The following VPS13C variants were observed in gnomAD, a reference collection of about 807,000 sequenced individuals.
The protein encoded by VPS13C is intermembrane lipid transfer protein VPS13C.
VPS13C carries 358 observed loss-of-function variants against 456.8 expected under a neutral mutation model. That is an observed-to-expected ratio of 0.78 (90% CI 0.72 to 0.86). The LOEUF (loss-of-function observed/expected upper bound fraction) is 0.86, where lower values mean the gene tolerates loss of function less well. Among genes scored for constraint, VPS13C ranks in the 40% least tolerant of loss-of-function variants. The pLI is 0.00. For synonymous variants in VPS13C, 1,578 were observed against 1,486.7 expected, an observed-to-expected ratio of 1.06 and a Z score of -1.41; for missense variants, 4,818 against 4,385.4, an observed-to-expected ratio of 1.10 and a Z score of -2.79.
intron 16 of VPS13C, among the ~76,000 whole-genome samples, chr15:61,995,021 T>C (rs1435700674): frequency 1.3e-5 from 2 of 152,212 alleles, no homozygotes; most frequent in African/African-American, 4.8e-5. Context: ...CACTTACTGC[T>C]CCATTTATCT....
At chr15:62,046,011 C>T (rs1291621842) in intron 1 of VPS13C, among the ~76,000 whole-genome samples, 2 of 151,972 alleles carry the variant, frequency 1.3e-5, no homozygotes, top group Non-Finnish European at 2.9e-5. Context: ...CTGTAAGATG[C>T]CATAATGCTC....
At chr15:61,983,639 G>A in intron 20 of VPS13C, 181 bp downstream of exon 20, 1 of 595,700 alleles carries the variant, frequency 1.7e-6, no homozygotes, top group Non-Finnish European at 2.8e-6. Flanking sequence ...AAAATGTATT[G>A]CATATGAAAA....
intron 31 of VPS13C, 108 bp downstream of exon 31, chr15:61,964,591 G>C: frequency 9.4e-7 from 1 of 1,062,062 alleles, no homozygotes. Context: ...TGAAGAAAAG[G>C]GGAAAATGGT....
chr15:61,984,748 A>G, intron 19 of VPS13C, 109 bp downstream of exon 19: 2 of 1,135,138 alleles, frequency 1.8e-6, no homozygotes, highest in African/African-American at 1.6e-5. Context: ...TATACAAGGA[A>G]AAGAAATTAA....
Position 61,911,831 on chromosome 15 carries a change from A to C in VPS13C, c.8715+9T>G. ...TTTAGGAATCAGTTGTAACAAAGAA[A>C]AATGCTACCTCTGAAGAAGCAATAT... On this transcript the variant is annotated intron_variant, in intron 63 of 84. Transcript: ENST00000644861. 1 of 1,582,452 alleles carries C rather than the reference A, an allele frequency of 6.3e-7. No individual in the cohort carries two copies. The highest frequency in any genetic ancestry group is 8.6e-7 in the Non-Finnish European group (1 of 1,164,012).
Position 61,858,300 on chromosome 15 carries a change from T to C in VPS13C, c.10953-1891A>G, listed in dbSNP as rs1028903880. ...TGGTCTCTCAGATCTCAACTCGAGA[T>C]TTTTATCCAAACTCCAACTATCTAT... is the stretch of plus-strand genomic sequence containing the variant. On this transcript the variant is annotated intron_variant, in intron 82 of 84. Transcript: ENST00000644861. The surrounding 1 kb of genome is among the most constrained non-coding windows in gnomAD (Gnocchi z 4.4). Among the ~76,000 whole-genome samples the C allele has an allele frequency of 2.6e-5, 4 of 151,648 alleles. No homozygotes were observed. The highest frequency in any genetic ancestry group is 9.7e-5 in the African/African-American group (4 of 41,238).
At chr15:61,985,350 G>T (rs572239228) in intron 18 of VPS13C, among the ~76,000 whole-genome samples, 29 of 152,262 alleles carry the variant, frequency 1.9e-4, no homozygotes, top group African/African-American at 7.0e-4. Flanking sequence ...TCCACCTCCT[G>T]GGTTCAAGCG....
chr15:61,900,791 C>G (rs1413157982), intron 66 of VPS13C, among the ~76,000 whole-genome samples: 11 of 151,676 alleles, frequency 7.3e-5, no homozygotes, highest in African/African-American at 2.4e-4. Flanking sequence ...AAAAAGAGCC[C>G]GCATTGCCAA....
intron 11 of VPS13C, 144 bp downstream of exon 11, chr15:62,012,895 G>A (rs2047096236): frequency 2.0e-6 from 1 of 507,354 alleles, no homozygotes; most frequent in Non-Finnish European, 3.3e-6. Flanking sequence ...TAGTGGATTT[G>A]AAAGGATGTT....
Position 62,060,336 on chromosome 15 carries a change from G to T in VPS13C, c.39C>A (p.Arg13=). 6.2e-7 allele frequency: 1 copy of T among 1,606,904 alleles called. No homozygotes were observed. The highest frequency in any genetic ancestry group is 8.5e-7 in the Non-Finnish European group (1 of 1,177,204). ...GGTTCTCCACATAGTCCCCCAGGAA[G>T]CGGTTCAGCAAGTCCGCGACCACCG... ...LESVVADLLN[R]FLGDYVENLN... is the part of the protein sequence containing the mutation. The change falls in exon 1 of 85, where the codon CGC becomes CGA. Residue 13 remains arginine (R), a synonymous_variant. Transcript: ENST00000644861.
At chr15:62,058,636 T>A (rs935249129) in intron 1 of VPS13C, among the ~76,000 whole-genome samples, 2 of 152,084 alleles carry the variant, frequency 1.3e-5, no homozygotes, top group African/African-American at 2.4e-5. Flanking sequence ...TTTAAGGGAC[T>A]TGAGCAACCT....
intron 55 of VPS13C, among the ~76,000 whole-genome samples, chr15:61,921,300 G>A (rs570583337): frequency 2.8e-4 from 42 of 152,140 alleles, no homozygotes; most frequent in South Asian, 8.3e-4. Context: ...TCCTTAGTAA[G>A]GCTGCCCCAA....
chr15:62,043,561 A>G (rs1247855472), intron 2 of VPS13C, among the ~76,000 whole-genome samples: 2 of 152,178 alleles, frequency 1.3e-5, no homozygotes, highest in Admixed American at 6.5e-5. Flanking sequence ...AGCCAAGATC[A>G]TGCCACTGCA....
At chr15:61,939,998 A>C (rs887820577) in intron 47 of VPS13C, among the ~76,000 whole-genome samples, 1 of 151,334 alleles carries the variant, frequency 6.6e-6, no homozygotes, top group Non-Finnish European at 1.5e-5. Flanking sequence ...CGTCTCAAAA[A>C]AAAAAAAAAA....
At chr15:61,948,399 C>G (rs933985615) in intron 42 of VPS13C, among the ~76,000 whole-genome samples, 1 of 151,856 alleles carries the variant, frequency 6.6e-6, no homozygotes, top group African/African-American at 2.4e-5. Flanking sequence ...AAATCACATC[C>G]GGCCGGGCGT....
rs550689411 is a variant in VPS13C at position 61,858,657 on chromosome 15, G to A, written c.10953-2248C>T. ...CTCTGAGCAAAAATAGTTTATGTAGGTGGGCCTGACCTAAGTTCATGGACT... is the reference window on the plus strand; with the variant it reads ...CTCTGAGCAAAAATAGTTTATGTAGATGGGCCTGACCTAAGTTCATGGACT... On this transcript the variant is annotated intron_variant, in intron 82 of 84. Transcript: ENST00000644861. This position sits in a 1 kb window ranked among gnomAD's most constrained non-coding sequence, Gnocchi z 4.4. 6.6e-6 allele frequency among the ~76,000 whole-genome samples: 1 copy of A among 152,170 alleles called. No individual in the cohort carries two copies. Among genetic ancestry groups the A allele is most frequent in the Non-Finnish European group, 1.5e-5 (1 of 68,036 alleles).
Position 61,907,265 on chromosome 15 carries a change from T to A in VPS13C, c.9104A>T (p.Lys3035Met). 6.2e-7 allele frequency: 1 copy of A among 1,613,708 alleles called. No homozygotes were observed. The highest frequency in any genetic ancestry group is 8.5e-7 in the Non-Finnish European group (1 of 1,179,648). ...GCACTCATTCACATCAAAAGATACC[T>A]TTAACAGATCATGTTCCCCAACATT... is the stretch of plus-strand genomic sequence containing the variant. ...AANVGEHDLL[K>M]DGCGQFPYDA... Residue 3035 changes from lysine (K) to methionine (M), a missense_variant and splice_region_variant, in exon 66 of 85, where the codon AAG becomes ATG. Around this residue, in one of 3 missense-constraint regions of VPS13C, gnomAD observed 4,552 missense variants for 4,130.6 expected, o/e 1.10. Coordinates refer to ENST00000644861, the MANE Select transcript of VPS13C (RefSeq NM_020821.3).
At chr15:62,007,735 G>C (rs906399186) in intron 14 of VPS13C, among the ~76,000 whole-genome samples, 2 of 152,146 alleles carry the variant, frequency 1.3e-5, no homozygotes, top group Non-Finnish European at 2.9e-5. Context: ...ATTCCAGTAT[G>C]GTTATAACAC....
At chr15:61,923,859 A>ATTTT (rs2043743450) in intron 53 of VPS13C, among the ~76,000 whole-genome samples, 10 of 69,346 alleles carry the variant, frequency 1.4e-4, no homozygotes, top group Non-Finnish European at 2.1e-4. Context: ...ACCCCTCTAA[A>ATTTT]TCTTTTTTTT....
Sources: gnomAD v4.1 joint callset for allele counts (sites outside exome capture counted in the v4.1 genomes callset) on GRCh38, gnomAD v4.1.1 for gene constraint, gnomAD v4.1.1 regional missense constraint, Gnocchi (gnomAD v3.1) non-coding constraint, MANE v1.5 for transcripts, NCBI Gene and HGNC (gene_info 2026-07-23, HGNC 2026-07-21) for gene names.